The following MSI2 variants were observed in gnomAD, a reference collection of about 807,000 sequenced individuals.
MSI2 encodes the protein RNA-binding protein Musashi homolog 2.
Under a neutral mutation model 45.6 loss-of-function variants are expected in MSI2, and 17 were observed. That is an observed-to-expected ratio of 0.37 (90% CI 0.26 to 0.56). The LOEUF is 0.56. Ranked by LOEUF, MSI2 falls within the 20% of genes least tolerant of loss-of-function variation. MSI2 has a pLI of 0.77. For synonymous variants in MSI2, 156 were observed against 158.2 expected (o/e 0.99, Z 0.11); for missense variants, 293 against 444.2 (o/e 0.66, Z 3.06).
At chr17:57,282,791 C>A (rs1012082569) in intron 5 of MSI2, among the ~76,000 whole-genome samples, 2 of 107,918 alleles carry the variant, frequency 1.9e-5, no homozygotes, top group Middle Eastern at 7.2e-3. Context: ...TTCTCTAAAG[C>A]GTTTACTTTA....
intron 5 of MSI2, among the ~76,000 whole-genome samples, chr17:57,353,296 T>C (rs1022911033): frequency 6.6e-6 from 1 of 152,210 alleles, no homozygotes; most frequent in African/African-American, 2.4e-5. Flanking sequence ...GTTTAAGTCT[T>C]CCTTGGACCA....
At chr17:57,481,247 A>G (rs969260012) in intron 6 of MSI2, among the ~76,000 whole-genome samples, 1 of 152,244 alleles carries the variant, frequency 6.6e-6, no homozygotes, top group East Asian at 1.9e-4. Context: ...GCAGCCGGCA[A>G]GTAATGTCTT....
chr17:57,476,623 T>TCAGG (rs1251428831), intron 6 of MSI2, among the ~76,000 whole-genome samples: 3 of 152,220 alleles, frequency 2.0e-5, no homozygotes, highest in Non-Finnish European at 4.4e-5. Context: ...ACCGGTTGAT[T>TCAGG]CAGGGATCCA....
intron 10 of MSI2, chr17:57,631,141 A>G (rs9907397): frequency 0.13 from 19,540 of 152,392 alleles, 1,682 homozygotes; most frequent in African/African-American, 0.24. Context: ...CATGCTGTGC[A>G]TGGATCCCGA....
chr17:57,262,007 T>C, intron 4 of MSI2, 144 bp from the exon 5 acceptor site: 1 of 793,996 alleles, frequency 1.3e-6, no homozygotes, highest in Non-Finnish European at 2.0e-6. Context: ...AGATCAAAGT[T>C]TAAGAAACTT....
At position 57,682,775 on chromosome 17, in the gene MSI2, C is replaced by T. The variant is rs560462353; in HGVS notation, c.*3258C>T. 6.7e-5 allele frequency: 15 copies of T among 223,174 alleles called. No individual in the cohort carries two copies. Among genetic ancestry groups the T allele is most frequent in the East Asian group, 6.5e-4 (10 of 15,396 alleles). 13.8% of individuals were successfully genotyped at this position (223,174 alleles called of 1,614,324 possible). A position where few individuals can be genotyped will look rare whatever the true frequency, so the allele number is the denominator to read the frequency against. The stretch of plus-strand genomic sequence containing the variant: ...ACCCTCTTGGCTGATGGCTTTTCCC[C>T]GGAATTATCAAACAGCCACCGGGTG... On this transcript the variant is annotated 3_prime_UTR_variant, in exon 14 of 14. Coordinates refer to ENST00000284073, the MANE Select transcript of MSI2 (RefSeq NM_138962.4).
intron 6 of MSI2, among the ~76,000 whole-genome samples, chr17:57,467,406 G>A (rs953064952): frequency 6.6e-6 from 1 of 152,204 alleles, no homozygotes; most frequent in African/African-American, 2.4e-5. Flanking sequence ...ATAGAAAGAT[G>A]TAGGCTGGAT....
chr17:57,288,868 C>T (rs1910145912), intron 5 of MSI2, among the ~76,000 whole-genome samples: 1 of 152,074 alleles, frequency 6.6e-6, no homozygotes, highest in Non-Finnish European at 1.5e-5. Flanking sequence ...TGCATTGTAT[C>T]TGTAGTAGGA....
chr17:57,504,501 T>TG (rs1484904150), intron 6 of MSI2, among the ~76,000 whole-genome samples: 6 of 152,166 alleles, frequency 3.9e-5, no homozygotes, highest in Non-Finnish European at 5.9e-5. Flanking sequence ...TATTTCCCTG[T>TG]GGGCAGTCGG....
rs1204892164 is a variant in MSI2, at chr17:57,352,881, A to C, written c.313-48498A>C. On this transcript the variant is annotated intron_variant, in intron 5 of 13. Transcript: ENST00000284073. Reference sequence around the variant, plus strand: ...GCTGCTTCAGCCCTGCTGGGCACTGAGCAATTTCACAGGGCGGTGTTAAGG... The same window carrying C: ...GCTGCTTCAGCCCTGCTGGGCACTGCGCAATTTCACAGGGCGGTGTTAAGG... Among the ~76,000 whole-genome samples, 3 of 152,210 alleles carry C rather than the reference A, an allele frequency of 2.0e-5. No homozygotes were observed. In the East Asian group the frequency reaches 5.8e-4, roughly 29 times the overall value.
intron 7 of MSI2, among the ~76,000 whole-genome samples, chr17:57,584,791 GTTTT>G (rs35283984): frequency 6.9e-6 from 1 of 144,376 alleles, no homozygotes; most frequent in Non-Finnish European, 1.5e-5. Flanking sequence ...GATGATTTGG[GTTTT>G]TTTTTTTTTT....
At position 57,566,320 on chromosome 17, in the gene MSI2, C is replaced by T. The variant is rs116481827; in HGVS notation, c.455-30548C>T. Among the ~76,000 whole-genome samples, 1,362 of 152,094 alleles carry T rather than the reference C, an allele frequency of 9.0e-3. 16 individuals carry two copies. Among genetic ancestry groups the T allele is most frequent in the African/African-American group, 0.03 (1,263 of 41,476 alleles). ...CCAGATATCTTGATTAAATGGTCTG[C>T]GAAGTGCTGAGATATCTTGATAATG... On this transcript the variant is annotated intron_variant, in intron 7 of 13. Transcript: ENST00000284073.
intron 7 of MSI2, among the ~76,000 whole-genome samples, chr17:57,547,195 G>A (rs963559700): frequency 5.3e-5 from 8 of 152,198 alleles, no homozygotes; most frequent in Admixed American, 2.6e-4. Flanking sequence ...GAGGGCTGGG[G>A]CCTCCAAGAG....
chr17:57,639,974 T>C (rs984335501), intron 10 of MSI2, among the ~76,000 whole-genome samples: 2 of 152,024 alleles, frequency 1.3e-5, no homozygotes, highest in African/African-American at 2.4e-5. Context: ...GGGGACACAG[T>C]GGTGAATGAG....
At chr17:57,343,709 G>A (rs1160879825) in intron 5 of MSI2, among the ~76,000 whole-genome samples, 1 of 152,144 alleles carries the variant, frequency 6.6e-6, no homozygotes, top group Non-Finnish European at 1.5e-5. Context: ...AGGATACAAT[G>A]GAGGATCAGG....
chr17:57,555,396 C>T lies in MSI2; in HGVS notation c.454+25672C>T, dbSNP rs149237221. ...CAAGTTTAGTGGCTGCCTGCTCAGG[C>T]GCCTCAGTGTGGCCTCCAGGGTAGG... On this transcript the variant is annotated intron_variant, in intron 7 of 13. Transcript: ENST00000284073. Among the ~76,000 whole-genome samples the T allele has an allele frequency of 4.5e-3, 692 of 152,288 alleles. 2 individuals are homozygous for T. The highest frequency in any genetic ancestry group is 0.016 in the African/African-American group (656 of 41,560).
intron 7 of MSI2, among the ~76,000 whole-genome samples, chr17:57,547,112 A>G (rs1013647116): frequency 1.3e-5 from 2 of 152,212 alleles, no homozygotes; most frequent in African/African-American, 2.4e-5. Flanking sequence ...AAGGCATTCC[A>G]AGGAGCAGAT....
At chr17:57,420,716 G>C (rs7213277) in intron 6 of MSI2, among the ~76,000 whole-genome samples, 99,343 of 152,076 alleles carry the variant, frequency 0.65, 33,283 homozygotes, top group East Asian at 0.93. Context: ...TGTCCCATGG[G>C]CTATCTGGAA....
In MSI2 at chr17:57,324,876, T is replaced by A. The variant is rs1913653910; in HGVS notation, c.312+62684T>A. 2.0e-5 allele frequency among the ~76,000 whole-genome samples: 3 copies of A among 152,330 alleles called. No homozygotes were observed. The South Asian group carries it at 6.2e-4, about 32-fold the overall frequency. ...AGGGACTGACTGGGCCACATGCACCTGACTGCTGAACTTTGCCAACCTGCT... is the reference window on the plus strand; with the variant it reads ...AGGGACTGACTGGGCCACATGCACCAGACTGCTGAACTTTGCCAACCTGCT... On this transcript the variant is annotated intron_variant, in intron 5 of 13. Coordinates refer to ENST00000284073, the MANE Select transcript of MSI2 (RefSeq NM_138962.4).
Sources: allele counts gnomAD v4.1 joint callset (sites outside exome capture counted in the v4.1 genomes callset), GRCh38; gene constraint gnomAD v4.1.1; transcripts MANE v1.5; gene names NCBI Gene and HGNC (gene_info 2026-07-23, HGNC 2026-07-21).